The following PAG1 variants were observed in gnomAD, a reference collection of about 807,000 sequenced individuals.
The protein encoded by PAG1 is phosphoprotein associated with glycosphingolipid-enriched microdomains 1.
Under a neutral mutation model 31.7 loss-of-function variants are expected in PAG1, and 23 were observed. The ratio of observed to expected loss-of-function variants is 0.73; its 90% CI spans 0.52 to 1.03. The LOEUF (loss-of-function observed/expected upper bound fraction) is 1.03, where lower values mean the gene tolerates loss of function less well. Among genes scored for constraint, PAG1 ranks in the 50% least tolerant of loss-of-function variants. The pLI is 0.00. For missense variants in PAG1, 473 were observed against 540.7 expected, an observed-to-expected ratio of 0.87 and a Z score of 1.24; for synonymous variants, 214 against 210.3, an observed-to-expected ratio of 1.02 and a Z score of -0.15.
intron 2 of PAG1, among the ~76,000 whole-genome samples, chr8:81,035,599 A>C (rs764909792): frequency 2.8e-4 from 43 of 152,172 alleles, no homozygotes; most frequent in Non-Finnish European, 3.8e-4. Context: ...GTCAGAACAA[A>C]TTCAGATTTG....
rs1807034910 is a variant in PAG1 at position 80,969,620 on chromosome 8, T to C, written c.*6924A>G. 1 of 152,248 alleles carries C rather than the reference T, an allele frequency of 6.6e-6. No individual in the cohort carries two copies. Among genetic ancestry groups the C allele is most frequent in the Non-Finnish European group, 1.5e-5 (1 of 68,042 alleles). 9.4% of individuals were successfully genotyped at this position (152,248 alleles called of 1,614,324 possible). A position where few individuals can be genotyped will look rare whatever the true frequency, so the allele number is the denominator to read the frequency against. ...GGTCCTTCTTTTAGCTTTAACTGTG[T>C]CCTATTTAGAGTGCCTAACAGGTAT... On this transcript the variant is annotated 3_prime_UTR_variant, in exon 9 of 9. Transcript: ENST00000220597.
At chr8:81,000,454 G>A (rs1034746351) in intron 3 of PAG1, among the ~76,000 whole-genome samples, 5 of 151,854 alleles carry the variant, frequency 3.3e-5, no homozygotes, top group East Asian at 1.9e-4. Context: ...TTCCTCTGTC[G>A]CCCAGGCTGG....
intron 2 of PAG1, among the ~76,000 whole-genome samples, chr8:81,062,396 T>TA (rs1184870155): frequency 3.9e-5 from 6 of 152,350 alleles, no homozygotes; most frequent in Admixed American, 2.6e-4. Flanking sequence ...TATTCAGCTA[T>TA]AAAAAATACA....
chr8:81,072,630 G>C (rs942379105), intron 1 of PAG1, among the ~76,000 whole-genome samples: 1 of 152,220 alleles, frequency 6.6e-6, no homozygotes, highest in African/African-American at 2.4e-5. Flanking sequence ...CTTGAGCCCA[G>C]GATTTTGAGG....
chr8:81,105,866 A>G (rs905901666), intron 1 of PAG1, among the ~76,000 whole-genome samples: 5 of 152,178 alleles, frequency 3.3e-5, no homozygotes, highest in African/African-American at 7.2e-5. Context: ...GGCTCTCTCA[A>G]CACGGAGATG....
chr8:80,981,383 G>A (rs1807296904), intron 7 of PAG1, among the ~76,000 whole-genome samples: 1 of 151,840 alleles, frequency 6.6e-6, no homozygotes, highest in African/African-American at 2.4e-5. Context: ...AATCATACGT[G>A]AACTCAACCC....
chr8:81,037,287 T>C (rs1020704235), intron 2 of PAG1: 3 of 152,230 alleles, frequency 2.0e-5, no homozygotes, highest in Admixed American at 1.3e-4. Flanking sequence ...GATACAGTTA[T>C]AATACATACA....
chr8:81,007,330 T>C (rs946338753), intron 3 of PAG1, among the ~76,000 whole-genome samples: 1 of 152,020 alleles, frequency 6.6e-6, no homozygotes, highest in Admixed American at 6.6e-5. Context: ...ACTTAAAAAA[T>C]AGGCCAGGCA....
At chr8:81,075,026 C>T (rs1035519704) in intron 1 of PAG1, among the ~76,000 whole-genome samples, 4 of 152,174 alleles carry the variant, frequency 2.6e-5, no homozygotes, top group African/African-American at 2.4e-5. Flanking sequence ...TTAGCCTTCC[C>T]TCACTGTCTG....
intron 2 of PAG1, among the ~76,000 whole-genome samples, chr8:81,068,750 T>C (rs900543308): frequency 6.6e-6 from 1 of 152,236 alleles, no homozygotes; most frequent in Non-Finnish European, 1.5e-5. Context: ...GAGGGTCAGA[T>C]GGAGTAAAAC....
At position 80,968,853 on chromosome 8, in the gene PAG1, G is replaced by A. The variant is rs1173052904; in HGVS notation, c.*7691C>T. The A allele has an allele frequency of 2.0e-5, 3 of 152,148 alleles. No homozygotes were observed. Among genetic ancestry groups the A allele is most frequent in the Admixed American group, 6.5e-5 (1 of 15,272 alleles). The allele number at this position is 152,148 out of a possible 1,614,324, so 9.4% of individuals were successfully genotyped here. On this transcript the variant is annotated 3_prime_UTR_variant, in exon 9 of 9. Transcript: ENST00000220597. ...CACATTTACTCAAGAGACTCAGAGT[G>A]GCAGATAGGGAATTGGGCCAACACA...
At chr8:81,002,378 G>A (rs1286912976) in intron 3 of PAG1, among the ~76,000 whole-genome samples, 2 of 152,170 alleles carry the variant, frequency 1.3e-5, no homozygotes, top group Non-Finnish European at 2.9e-5. Context: ...TTTAGCCTGG[G>A]CTAACTACAA....
intron 3 of PAG1, among the ~76,000 whole-genome samples, chr8:81,009,862 A>G (rs1807949621): frequency 6.6e-6 from 1 of 152,108 alleles, no homozygotes; most frequent in Non-Finnish European, 1.5e-5. Flanking sequence ...TGATCCTCCT[A>G]CCTTGGCCTC....
intron 2 of PAG1, among the ~76,000 whole-genome samples, chr8:81,051,259 G>A (rs139814470): frequency 2.0e-5 from 3 of 152,182 alleles, no homozygotes; most frequent in Admixed American, 6.5e-5. Flanking sequence ...ATAGAAAAAT[G>A]AGAACAGAGA....
chr8:80,986,600 T>C (rs1172647613), intron 6 of PAG1, among the ~76,000 whole-genome samples: 4 of 152,098 alleles, frequency 2.6e-5, no homozygotes, highest in Non-Finnish European at 4.4e-5. Flanking sequence ...ATTAGCAACA[T>C]CTCTGTGGAA....
chr8:80,990,391 C>T lies in PAG1; in HGVS notation c.177+1088G>A, dbSNP rs1586147958. Among the ~76,000 whole-genome samples, 1 of 152,172 alleles carries T rather than the reference C, an allele frequency of 6.6e-6. No individual in the cohort carries two copies. Among genetic ancestry groups the T allele is most frequent in the African/African-American group, 2.4e-5 (1 of 41,444 alleles). On this transcript the variant is annotated intron_variant, in intron 5 of 8. Coordinates refer to ENST00000220597, the MANE Select transcript of PAG1 (RefSeq NM_018440.4). This position sits in a 1 kb window ranked among gnomAD's most constrained non-coding sequence, Gnocchi z 5.1. The stretch of plus-strand genomic sequence containing the variant: ...CGTCTGCTGGCTGCGGGTTTTACGC[C>T]AGACCTTGGCTCATCCATGCTTCCT...
intron 2 of PAG1, among the ~76,000 whole-genome samples, chr8:81,052,690 G>A (rs554306786): frequency 3.9e-5 from 6 of 152,212 alleles, no homozygotes; most frequent in Admixed American, 2.0e-4. Context: ...TGTGAGCACC[G>A]GGAACTATTA....
At chr8:80,991,034 A>T (rs148281884) in intron 5 of PAG1, among the ~76,000 whole-genome samples, 1 of 152,288 alleles carries the variant, frequency 6.6e-6, no homozygotes, top group East Asian at 1.9e-4. Context: ...AGGAAGATGA[A>T]GGCAGAATTT....
intron 1 of PAG1, among the ~76,000 whole-genome samples, chr8:81,104,073 C>T (rs551929629): frequency 2.1e-5 from 3 of 143,836 alleles, no homozygotes; most frequent in East Asian, 1.9e-4. Flanking sequence ...TTTATTTCTT[C>T]CCCCCATCCC....
Sources: allele counts gnomAD v4.1 joint callset (sites outside exome capture counted in the v4.1 genomes callset), GRCh38; gene constraint gnomAD v4.1.1; non-coding constraint Gnocchi (gnomAD v3.1); transcripts MANE v1.5; gene names NCBI Gene and HGNC (gene_info 2026-07-23, HGNC 2026-07-21).